TMEM268: variants seen among roughly 807,000 people sequenced by gnomAD.
TMEM268 encodes the protein transmembrane protein 268.
A neutral mutation model predicts 39.1 loss-of-function variants in TMEM268; 24 were observed. That is an observed-to-expected ratio of 0.61 (90% CI 0.44 to 0.86). The LOEUF (loss-of-function observed/expected upper bound fraction) is 0.86, where lower values mean the gene tolerates loss of function less well. TMEM268 is among the 40% of genes least tolerant of loss of function. The pLI, the probability that TMEM268 is intolerant of heterozygous loss-of-function variation, is 0.00. For synonymous variants in TMEM268, 176 were observed against 173.5 expected, an observed-to-expected ratio of 1.01 and a Z score of -0.12; for missense variants, 409 against 428.6, an observed-to-expected ratio of 0.95 and a Z score of 0.40.
At chr9:114,639,722 TAA>T (rs1846806304) in intron 8 of TMEM268, among the ~76,000 whole-genome samples, 1 of 151,226 alleles carries the variant, frequency 6.6e-6, no homozygotes, top group Admixed American at 6.6e-5. Flanking sequence ...TAGTACTATT[TAA>T]AAGAGAAAAT....
upstream of TMEM268, among the ~76,000 whole-genome samples, chr9:114,608,370 G>A (rs763122926): frequency 4.4e-4 from 67 of 152,354 alleles, 1 homozygote; most frequent in Admixed American, 4.6e-4. Flanking sequence ...AATGCCACAT[G>A]CCAGTAAGTG....
the TMEM268 span, among the ~76,000 whole-genome samples, chr9:114,605,707 G>A: frequency 3.9e-5 from 6 of 152,126 alleles, no homozygotes; most frequent in Non-Finnish European, 5.9e-5. Context: ...GATCGCTTGA[G>A]CTTAGGTGAT....
intron 1 of TMEM268, among the ~76,000 whole-genome samples, chr9:114,613,318 T>A (rs1237216211): frequency 6.6e-6 from 1 of 152,232 alleles, no homozygotes; most frequent in African/African-American, 2.4e-5. Flanking sequence ...TCTGAAAGGC[T>A]ACCTGTGCAA....
chr9:114,641,376 G>C (rs1007545727), intron 8 of TMEM268, among the ~76,000 whole-genome samples: 1 of 152,110 alleles, frequency 6.6e-6, no homozygotes, highest in Non-Finnish European at 1.5e-5. Context: ...CATACCTAGC[G>C]TAACCCACAC....
chr9:114,622,181 A>G (rs1845972637), intron 2 of TMEM268: 2 of 985,248 alleles, frequency 2.0e-6, no homozygotes, highest in Non-Finnish European at 2.4e-6. Flanking sequence ...AAGTGGAGTG[A>G]GTCATTTGGC....
chr9:114,607,499 T>C (rs534590534), upstream of TMEM268, among the ~76,000 whole-genome samples: 1 of 151,962 alleles, frequency 6.6e-6, no homozygotes, highest in Admixed American at 6.6e-5. Context: ...CTACTAAAAA[T>C]AAAAAATTAG....
chr9:114,619,404 C>T (rs900544618), intron 2 of TMEM268, among the ~76,000 whole-genome samples: 10 of 152,204 alleles, frequency 6.6e-5, no homozygotes, highest in African/African-American at 2.4e-4. Flanking sequence ...GCTGTTCTCA[C>T]TTTAAGGAAC....
chr9:114,604,171 C>A, the TMEM268 span, among the ~76,000 whole-genome samples: 2 of 152,114 alleles, frequency 1.3e-5, no homozygotes, highest in African/African-American at 4.8e-5. Context: ...TAGCTATATA[C>A]CTTTTATGTA....
chr9:114,637,945 C>A lies in TMEM268; in HGVS notation c.667-599C>A, dbSNP rs527348447. On this transcript the variant is annotated intron_variant, in intron 7 of 8. Transcript: ENST00000288502. ...TCATTAGTTCCTGTGTGGCCTCAGGCAGGGCCTTTGAGTCTCAGTTTATTC... is the reference window on the plus strand; with the variant it reads ...TCATTAGTTCCTGTGTGGCCTCAGGAAGGGCCTTTGAGTCTCAGTTTATTC... Among the ~76,000 whole-genome samples the A allele has an allele frequency of 6.6e-5, 10 of 152,358 alleles. No homozygotes were observed. In the South Asian group the frequency reaches 2.1e-3, roughly 32 times the overall value.
chr9:114,635,712 A>G (rs1846606057), intron 6 of TMEM268, among the ~76,000 whole-genome samples: 2 of 152,184 alleles, frequency 1.3e-5, no homozygotes, highest in Admixed American at 1.3e-4. Context: ...TTTTTAGACA[A>G]CTTGAGTCTT....
rs563083647 is a variant in TMEM268, at chr9:114,639,622, T to C, written c.849+896T>C. Among the ~76,000 whole-genome samples the C allele has an allele frequency of 7.2e-5, 11 of 152,076 alleles. No homozygotes were observed. In the East Asian group the frequency reaches 7.9e-4, roughly 11 times the overall value. Reference sequence around the variant, plus strand: ...ATTTGAAACTTCAGAAGAGCACTTATATCTTTTCAGCCAAGAGATTTGGGG... The same window carrying C: ...ATTTGAAACTTCAGAAGAGCACTTACATCTTTTCAGCCAAGAGATTTGGGG... On this transcript the variant is annotated intron_variant, in intron 8 of 8. Transcript: ENST00000288502.
In TMEM268 at chr9:114,644,676, GACATTGCTGTGGA is replaced by G. The variant is rs1214067844; in HGVS notation, c.*1364_*1376del. 1 of 152,136 alleles carries G rather than the reference GACATTGCTGTGGA, an allele frequency of 6.6e-6. No individual in the cohort carries two copies. Among genetic ancestry groups the G allele is most frequent in the Admixed American group, 6.5e-5 (1 of 15,270 alleles). 9.4% of individuals were successfully genotyped at this position (152,136 alleles called of 1,614,324 possible). On this transcript the variant is annotated 3_prime_UTR_variant, in exon 9 of 9. Transcript: ENST00000288502. ...TGCTTTCCAAACTCACTTGAATGATGACATTGCTGTGGACCTGGGTTCTGGACCTGATCTGCCA... is the reference window on the plus strand; with the variant it reads ...TGCTTTCCAAACTCACTTGAATGATGCCTGGGTTCTGGACCTGATCTGCCA...
At position 114,620,774 on chromosome 9, in the gene TMEM268, C is replaced by T. The variant is rs142454452; in HGVS notation, c.106+3473C>T. Among the ~76,000 whole-genome samples the T allele has an allele frequency of 6.4e-3, 971 of 152,124 alleles. 20 individuals are homozygous for T. The highest frequency in any genetic ancestry group is 0.022 in the African/African-American group (919 of 41,484). On this transcript the variant is annotated intron_variant, in intron 2 of 8. Transcript: ENST00000288502. ...TAAAGTCCTTTGCAGTGGATGTGTA[C>T]GTCCTCTAAGCAAGGAAACAGGCCC...
At chr9:114,613,709 C>T (rs1466560998) in intron 1 of TMEM268, among the ~76,000 whole-genome samples, 1 of 152,236 alleles carries the variant, frequency 6.6e-6, no homozygotes, top group Non-Finnish European at 1.5e-5. Context: ...GTTGCTTGAT[C>T]TTGCCTGGGA....
chr9:114,635,762 A>C (rs1256500815), intron 6 of TMEM268, among the ~76,000 whole-genome samples: 1 of 152,162 alleles, frequency 6.6e-6, no homozygotes, highest in African/African-American at 2.4e-5. Flanking sequence ...GTGATACACT[A>C]TCTGGCATGT....
Position 114,617,247 on chromosome 9 carries a change from T to C in TMEM268, c.52T>C (p.Ser18Pro), listed in dbSNP as rs1459303054. 2 of 1,612,926 alleles carry C rather than the reference T, an allele frequency of 1.2e-6. No homozygotes were observed. The highest frequency in any genetic ancestry group is 1.7e-6 in the Non-Finnish European group (2 of 1,179,542). Residue 18 changes from serine to proline, a missense_variant, in exon 2 of 9, where the codon TCC becomes CCC. Physicochemically the swap from Ser to Pro is moderately conservative, Grantham distance 74. Transcript: ENST00000288502. ...GGGGGCCACTGGCCCATTGCCCCCC[T>C]CCTCCCCTGGCTGGAGTGCCCTGCC... is the stretch of plus-strand genomic sequence containing the variant. ...DPGATGPLPP[S>P]SPGWSALPGG...
chr9:114,604,604 A>G, the TMEM268 span, among the ~76,000 whole-genome samples: 1 of 151,496 alleles, frequency 6.6e-6, no homozygotes, highest in Admixed American at 6.6e-5. Context: ...AAAAAAAAAA[A>G]AGACATAAAA....
upstream of TMEM268, among the ~76,000 whole-genome samples, chr9:114,606,781 T>C (rs1845371657): frequency 6.6e-6 from 1 of 151,680 alleles, no homozygotes; most frequent in African/African-American, 2.4e-5. Context: ...GTTCAGGCCA[T>C]GGCAATGTTC....
intron 5 of TMEM268, among the ~76,000 whole-genome samples, chr9:114,631,706 T>G (rs1846406259): frequency 6.6e-6 from 1 of 152,204 alleles, no homozygotes; most frequent in South Asian, 2.1e-4. Flanking sequence ...CATCCAAATC[T>G]TCTTACTACA....
Sources: gnomAD v4.1 joint callset for allele counts (sites outside exome capture counted in the v4.1 genomes callset) on GRCh38, gnomAD v4.1.1 for gene constraint, MANE v1.5 for transcripts, NCBI Gene and HGNC (gene_info 2026-07-23, HGNC 2026-07-21) for gene names.